The following PLIN5 variants were observed in gnomAD, a reference collection of about 807,000 sequenced individuals.
The protein encoded by PLIN5 is perilipin-5.
Under a neutral mutation model 32.8 loss-of-function variants are expected in PLIN5, and 34 were observed. The observed-to-expected ratio is 1.04, with a 90% CI of 0.79 to 1.38. The LOEUF (loss-of-function observed/expected upper bound fraction) is 1.38. PLIN5 is among the 40% of genes most tolerant of loss of function. The pLI, the probability that PLIN5 is intolerant of heterozygous loss-of-function variation, is 0.00. For synonymous variants in PLIN5, 309 were observed against 292.9 expected, an observed-to-expected ratio of 1.05 and a Z score of -0.56; for missense variants, 712 against 660.5, an observed-to-expected ratio of 1.08 and a Z score of -0.85.
chr19:4,523,635 T>C lies in PLIN5; in HGVS notation c.1285A>G (p.Asn429Asp). Reference sequence around the variant, plus strand: ...ACACCCATCCTGTCCCCATCCCCATTCCCACTCCCGTCCCTGTGCTCTGCC... The same window carrying C: ...ACACCCATCCTGTCCCCATCCCCATCCCCACTCCCGTCCCTGTGCTCTGCC... ...WEAEHRDGSG[N>D]GDGDRMGVAG... Residue 429 changes from asparagine to aspartate, a missense_variant, in exon 8 of 8, where the codon AAT (asparagine) becomes GAT (aspartate). Physicochemically the swap from Asn to Asp is conservative, Grantham distance 23 (BLOSUM62 1). Coordinates refer to ENST00000381848, the MANE Select transcript of PLIN5 (RefSeq NM_001013706.3). The surrounding 1 kb of genome is among the most constrained non-coding windows in gnomAD (Gnocchi z 5.0). 1.2e-6 allele frequency: 2 copies of C among 1,611,242 alleles called. No individual in the cohort carries two copies. Among genetic ancestry groups the C allele is most frequent in the Non-Finnish European group, 1.7e-6 (2 of 1,179,510 alleles).
chr19:4,529,610 T>TACACACACAC (rs56850019), intron 4 of PLIN5, 174 bp downstream of exon 4: 18,931 of 430,482 alleles, frequency 0.044, 394 homozygotes, highest in Non-Finnish European at 0.055. Flanking sequence ...CATATATGTA[T>TACACACACAC]ACACACACAC....
intron 5 of PLIN5, among the ~76,000 whole-genome samples, chr19:4,527,082 A>ATT (rs575166711): frequency 2.6e-4 from 39 of 147,456 alleles, no homozygotes; most frequent in Admixed American, 1.2e-3. Flanking sequence ...AAGAAAAAAA[A>ATT]TTTTTTTTTT....
At chr19:4,533,826 C>G in intron 2 of PLIN5, 189 bp downstream of exon 2, 3 of 647,854 alleles carry the variant, frequency 4.6e-6, no homozygotes, top group Non-Finnish European at 7.9e-6. Flanking sequence ...AGAGACACTC[C>G]CCTCCCAGGG....
Position 4,534,076 on chromosome 19 carries a change from G to A in PLIN5, c.-2C>T, listed in dbSNP as rs778727546. The stretch of plus-strand genomic sequence containing the variant: ...CTGAGCCGCCTCTTCTTCAGACATC[G>A]TGCTGCAAACAGGGTCACCCTGCGG... On this transcript the variant is annotated 5_prime_UTR_variant, in exon 2 of 8. It adds an upstream start codon to the 5' untranslated region. Coordinates refer to ENST00000381848, the MANE Select transcript of PLIN5 (RefSeq NM_001013706.3). 17 of 1,612,238 alleles carry A rather than the reference G, an allele frequency of 1.1e-5. No homozygotes were observed. The highest frequency in any genetic ancestry group is 6.6e-5 in the South Asian group (6 of 90,602).
rs1976795139 is a variant in PLIN5 at position 4,525,870 on chromosome 19, TACGGGGACAGCACGGGGACAGG to T, written c.521-60_521-39del. The T allele has an allele frequency of 2.1e-6, 3 of 1,400,976 alleles. No individual in the cohort carries two copies. The highest frequency in any genetic ancestry group is 4.4e-5 in the African/African-American group (2 of 45,582). 86.8% of individuals were successfully genotyped at this position (1,400,976 alleles called of 1,614,324 possible). On this transcript the variant is annotated intron_variant, in intron 5 of 7. Transcript: ENST00000381848. This position sits in a 1 kb window ranked among gnomAD's most constrained non-coding sequence, Gnocchi z 5.6. The stretch of plus-strand genomic sequence containing the variant: ...ATACGGGGACAGCACGGGGACAGGA[TACGGGGACAGCACGGGGACAGG>T]ATACGGGGACAGCACGGGGACAGGA...
intron 5 of PLIN5, among the ~76,000 whole-genome samples, chr19:4,527,594 C>G (rs868533223): frequency 6.9e-6 from 1 of 144,498 alleles, no homozygotes. Flanking sequence ...GGTGGACTCA[C>G]GCTTGTAATC....
At position 4,529,028 on chromosome 19, in the gene PLIN5, G is replaced by T. The variant is rs771746032; in HGVS notation, c.520+45C>A. 6.3e-6 allele frequency: 10 copies of T among 1,582,534 alleles called. 1 individual carries two copies. The East Asian group carries it at 2.2e-4, about 36-fold the overall frequency. On this transcript the variant is annotated intron_variant, in intron 5 of 7. Transcript: ENST00000381848. ...TCTGATCTGTACCACAGGGGATGGG[G>T]ACGGGGCAGGACTCAGGGGTTAGGG...
chr19:4,528,237 G>A (rs558677841), intron 5 of PLIN5, among the ~76,000 whole-genome samples: 201 of 152,124 alleles, frequency 1.3e-3, no homozygotes, highest in African/African-American at 4.7e-3. Context: ...TGAGGTGGGG[G>A]TAAGCCCATA....
chr19:4,523,842 CGTCCACGCAGGCGTGCGCGTG>C lies in PLIN5; in HGVS notation c.1057_1077del (p.His353_Asp359del). ...GCCTGCACCACCAGCTCCAGCAGCT[CGTCCACGCAGGCGTGCGCGTG>C]GGCCACGCGACCCCGGCCCTCGGCC... On this transcript the variant is annotated inframe_deletion, in exon 8 of 8. Transcript: ENST00000381848. The surrounding 1 kb of genome is among the most constrained non-coding windows in gnomAD (Gnocchi z 5.0). 1 of 1,585,916 alleles carries C rather than the reference CGTCCACGCAGGCGTGCGCGTG, an allele frequency of 6.3e-7. No homozygotes were observed. Among genetic ancestry groups the C allele is most frequent in the Non-Finnish European group, 8.5e-7 (1 of 1,173,952 alleles).
chr19:4,531,737 C>T lies in PLIN5; in HGVS notation c.146G>A (p.Arg49Lys). Residue 49 changes from arginine (R) to lysine (K), a missense_variant, in exon 3 of 8, where the codon AGG becomes AAG. Coordinates refer to ENST00000381848, the MANE Select transcript of PLIN5 (RefSeq NM_001013706.3). ...VCDVYSAAKD[R>K]HPLLGSACRL... is the part of the protein sequence containing the mutation. ...GCAGGCGGAGCCCAGCAGCGGGTGC[C>T]TGTCCTTGGCTGCACTGTAAACATC... is the stretch of plus-strand genomic sequence containing the variant. 6.3e-7 allele frequency: 1 copy of T among 1,599,458 alleles called. No homozygotes were observed. The highest frequency in any genetic ancestry group is 8.5e-7 in the Non-Finnish European group (1 of 1,175,768).
At chr19:4,528,209 G>A (rs1416131877) in intron 5 of PLIN5, among the ~76,000 whole-genome samples, 5 of 151,516 alleles carry the variant, frequency 3.3e-5, no homozygotes, top group East Asian at 1.9e-4. Flanking sequence ...GTGCCCGGCC[G>A]CCTCCCTGCT....
chr19:4,524,123 C>A, intron 7 of PLIN5, 38 bp from the exon 8 acceptor site: 1 of 1,388,630 alleles, frequency 7.2e-7, no homozygotes. Flanking sequence ...CCTATGGACG[C>A]CCAGGAGGAC....
rs1298055072 is a variant in PLIN5, at chr19:4,524,098, G to T, written c.835-13C>A. 3 of 1,402,308 alleles carry T rather than the reference G, an allele frequency of 2.1e-6. No homozygotes were observed. The highest frequency in any genetic ancestry group is 3.0e-5 in the African/African-American group (2 of 66,038). The allele number at this position is 1,402,308 out of a possible 1,614,324, so 86.9% of individuals were successfully genotyped here. On this transcript the variant is annotated splice_polypyrimidine_tract_variant and intron_variant, in intron 7 of 7. Coordinates refer to ENST00000381848, the MANE Select transcript of PLIN5 (RefSeq NM_001013706.3). ...TCTCCAGCTCTGCCTGCAGGGGGCG[G>T]GGACCTCAGTTTCCCCTATGGACGC...
At position 4,523,444 on chromosome 19, in the gene PLIN5, T is replaced by C; in HGVS notation, c.*84A>G. The C allele has an allele frequency of 6.9e-7, 1 of 1,444,214 alleles. No individual in the cohort carries two copies. The highest frequency in any genetic ancestry group is 9.2e-7 in the Non-Finnish European group (1 of 1,081,420). 89.5% of individuals were successfully genotyped at this position (1,444,214 alleles called of 1,614,324 possible). The stretch of plus-strand genomic sequence containing the variant: ...CCAAAGAAGGGTCAAGGCCAAGGCC[T>C]CGAGCTTACGTGTGGCCACCAGGGG... On this transcript the variant is annotated 3_prime_UTR_variant, in exon 8 of 8. Coordinates refer to ENST00000381848, the MANE Select transcript of PLIN5 (RefSeq NM_001013706.3). The surrounding 1 kb of genome is among the most constrained non-coding windows in gnomAD (Gnocchi z 5.0).
In PLIN5 at chr19:4,531,842, CA is replaced by C. The variant is rs1399673579; in HGVS notation, c.61-21del. 3 of 1,512,282 alleles carry C rather than the reference CA, an allele frequency of 2.0e-6. No homozygotes were observed. The highest frequency in any genetic ancestry group is 1.8e-6 in the Non-Finnish European group (2 of 1,129,810). 93.7% of individuals were successfully genotyped at this position (1,512,282 alleles called of 1,614,324 possible). Reference sequence around the variant, plus strand: ...CACGTTCTGCGGGAAGGGTCGGCATCAGGGGGACCCTGGGGGAAGTGGGGCC... The same window carrying C: ...CACGTTCTGCGGGAAGGGTCGGCATCGGGGGACCCTGGGGGAAGTGGGGCC... On this transcript the variant is annotated intron_variant, in intron 2 of 7. Coordinates refer to ENST00000381848, the MANE Select transcript of PLIN5 (RefSeq NM_001013706.3).
intron 3 of PLIN5, 43 bp from the exon 4 acceptor site, chr19:4,529,909 AG>A (rs754898958): frequency 1.5e-6 from 2 of 1,298,418 alleles, no homozygotes; most frequent in South Asian, 2.7e-5. Context: ...GGAGACGCAG[AG>A]GGAGATAGGG....
intron 2 of PLIN5, 75 bp downstream of exon 2, chr19:4,533,940 G>A: frequency 6.7e-7 from 1 of 1,503,636 alleles, no homozygotes; most frequent in Non-Finnish European, 9.1e-7. Flanking sequence ...GGGATACCTG[G>A]CCTGAAACGC....
chr19:4,532,800 C>T (rs1384158865), intron 2 of PLIN5: 1 of 152,250 alleles, frequency 6.6e-6, no homozygotes, highest in African/African-American at 2.4e-5. Context: ...TTCCAAGTAC[C>T]TGGGATTACA....
In PLIN5 at chr19:4,523,976, T is replaced by C. The variant is rs1718103907; in HGVS notation, c.944A>G (p.Lys315Arg). The change falls in exon 8 of 8, where the codon AAG becomes AGG. Residue 315 changes from lysine (K) to arginine (R), a missense_variant. Lys to Arg is a conservative substitution (Grantham distance 26). Transcript: ENST00000381848. This position sits in a 1 kb window ranked among gnomAD's most constrained non-coding sequence, Gnocchi z 5.0. Reference sequence around the variant, plus strand: ...CACACTGCGCCGCACCTCAGCCACCTTCTCCTGGGCGCCGGCGGGCAGGCC... The same window carrying C: ...CACACTGCGCCGCACCTCAGCCACCCTCTCCTGGGCGCCGGCGGGCAGGCC... ...VRGLPAGAQE[K>R]VAEVRRSVDA... 2 of 1,526,382 alleles carry C rather than the reference T, an allele frequency of 1.3e-6. No individual in the cohort carries two copies. Among genetic ancestry groups the C allele is most frequent in the African/African-American group, 2.8e-5 (2 of 71,442 alleles). 94.6% of individuals were successfully genotyped at this position (1,526,382 alleles called of 1,614,324 possible). A position where few individuals can be genotyped will look rare whatever the true frequency, so the allele number is the denominator to read the frequency against.
Sources: gnomAD v4.1 joint callset for allele counts (sites outside exome capture counted in the v4.1 genomes callset) on GRCh38, gnomAD v4.1.1 for gene constraint, Gnocchi (gnomAD v3.1) non-coding constraint, MANE v1.5 for transcripts, NCBI Gene and HGNC (gene_info 2026-07-23, HGNC 2026-07-21) for gene names.